Variants in ZMYM2 observed in about 807,000 individuals in gnomAD.
ZMYM2 encodes zinc finger MYM-type containing 2.
A neutral mutation model predicts 162.8 loss-of-function variants in ZMYM2; 56 were observed. That is an observed-to-expected ratio of 0.34 (90% confidence interval 0.28 to 0.43). ZMYM2 has a LOEUF of 0.43. Among genes scored for constraint, ZMYM2 ranks in the 20% least tolerant of loss-of-function variants. The probability of loss-of-function intolerance (pLI) is 1.00; values close to 1 mark genes in which losing one functional copy is unlikely to be tolerated. For missense variants in ZMYM2, 1,275 were observed against 1,621.8 expected (o/e 0.79, Z 3.67); for synonymous variants, 510 against 541.6 (o/e 0.94, Z 0.81).
At chr13:20,075,870 C>A (rs535074447) in intron 21 of ZMYM2, among the ~76,000 whole-genome samples, 1 of 151,384 alleles carries the variant, frequency 6.6e-6, no homozygotes, top group African/African-American at 2.4e-5. Flanking sequence ...TTTTTCCCCC[C>A]CATCCCGTAG....
rs1300185857 is a variant in ZMYM2 at position 19,986,210 on chromosome 13, C to CA, written c.-10-6850dup. ...AGACTCTCTCAAAAAAACAAACAAACAAACAAAACAAACAAACAAAAAGAA... is the reference window on the plus strand; with the variant it reads ...AGACTCTCTCAAAAAAACAAACAAACAAAACAAAACAAACAAACAAAAAGAA... On this transcript the variant is annotated intron_variant, in intron 2 of 24. Coordinates refer to ENST00000610343, the MANE Select transcript of ZMYM2 (RefSeq NM_197968.4). Among the ~76,000 whole-genome samples, 6 of 151,344 alleles carry CA rather than the reference C, an allele frequency of 4.0e-5. No homozygotes were observed. In the East Asian group the frequency reaches 1.2e-3, roughly 30 times the overall value.
chr13:19,994,857 G>C (rs1393272656), intron 3 of ZMYM2, among the ~76,000 whole-genome samples: 1 of 151,928 alleles, frequency 6.6e-6, no homozygotes, highest in East Asian at 1.9e-4. Flanking sequence ...TTTTGGGACA[G>C]GGTCTCTCTC....
At chr13:19,924,379 A>G in the ZMYM2 span, among the ~76,000 whole-genome samples, 2 of 152,054 alleles carry the variant, frequency 1.3e-5, no homozygotes, top group Non-Finnish European at 2.9e-5. Flanking sequence ...CTGTGGGGCA[A>G]CATAGTGAGA....
intron 2 of ZMYM2, among the ~76,000 whole-genome samples, chr13:19,971,011 C>A (rs114473906): frequency 1.1e-3 from 163 of 151,946 alleles, no homozygotes; most frequent in African/African-American, 3.7e-3. Flanking sequence ...AACTCTTCCA[C>A]AGCCTGAAAG....
At chr13:19,903,123 T>A in the ZMYM2 span, among the ~76,000 whole-genome samples, 1 of 152,092 alleles carries the variant, frequency 6.6e-6, no homozygotes, top group Non-Finnish European at 1.5e-5. Context: ...GTCATTGCAC[T>A]CTAGCCTGGG....
At chr13:20,006,787 CTG>C (rs1253900538) in intron 6 of ZMYM2, among the ~76,000 whole-genome samples, 5 of 152,146 alleles carry the variant, frequency 3.3e-5, no homozygotes, top group African/African-American at 4.8e-5. Flanking sequence ...CAGGGACCAT[CTG>C]TATTTATTCA....
the ZMYM2 span, among the ~76,000 whole-genome samples, chr13:19,942,362 G>A: frequency 8.6e-5 from 13 of 151,904 alleles, no homozygotes; most frequent in African/African-American, 3.1e-4. Context: ...ATACAAATGT[G>A]AATGAGAAAA....
intron 21 of ZMYM2, among the ~76,000 whole-genome samples, chr13:20,077,473 T>G (rs1387801525): frequency 6.6e-6 from 1 of 150,638 alleles, no homozygotes; most frequent in Non-Finnish European, 1.5e-5. Flanking sequence ...ATTTAAATAA[T>G]GTTATGCTCG....
chr13:19,884,211 A>G, the ZMYM2 span, among the ~76,000 whole-genome samples: 6 of 152,106 alleles, frequency 3.9e-5, no homozygotes, highest in Non-Finnish European at 5.9e-5. Flanking sequence ...TCTCAAAAAA[A>G]TTTAAAAATT....
At chr13:19,997,349 A>G (rs1950090735) in intron 3 of ZMYM2, among the ~76,000 whole-genome samples, 1 of 152,210 alleles carries the variant, frequency 6.6e-6, no homozygotes, top group African/African-American at 2.4e-5. Context: ...CTACAAGTGA[A>G]GTTACTGGGC....
intron 19 of ZMYM2, among the ~76,000 whole-genome samples, chr13:20,065,383 C>T (rs113678472): frequency 1.3e-5 from 2 of 152,012 alleles, no homozygotes; most frequent in Admixed American, 6.6e-5. Flanking sequence ...TCTTAATGGC[C>T]TTATGTTAGG....
the ZMYM2 span, among the ~76,000 whole-genome samples, chr13:19,898,089 GT>G: frequency 2.3e-3 from 345 of 152,228 alleles, 1 homozygote; most frequent in African/African-American, 7.7e-3. Flanking sequence ...TAGGCAACAT[GT>G]TAGTTCACAA....
intron 10 of ZMYM2, 134 bp downstream of exon 10, chr13:20,031,569 ATTAT>A (rs1419815297): frequency 4.9e-6 from 3 of 613,790 alleles, no homozygotes; most frequent in East Asian, 3.1e-5. Context: ...TTATGATTGG[ATTAT>A]TTATTCTCAT....
intron 2 of ZMYM2, among the ~76,000 whole-genome samples, chr13:19,985,070 G>C (rs1359427840): frequency 6.6e-6 from 1 of 152,146 alleles, no homozygotes; most frequent in Non-Finnish European, 1.5e-5. Flanking sequence ...TCATTATGTT[G>C]ATCAGGTACT....
At chr13:19,914,049 T>C in the ZMYM2 span, among the ~76,000 whole-genome samples, 3 of 152,298 alleles carry the variant, frequency 2.0e-5, no homozygotes, top group African/African-American at 7.2e-5. Context: ...TTCATTTTGT[T>C]AGAAGGAGAA....
chr13:20,037,213 A>ATTTTTTTTTTTT (rs754909177), intron 12 of ZMYM2, among the ~76,000 whole-genome samples: 1 of 90,382 alleles, frequency 1.1e-5, no homozygotes, highest in Non-Finnish European at 2.1e-5. Context: ...ACTAAGTAGA[A>ATTTTTTTTTTTT]TTTTTTTTTT....
At chr13:19,880,288 C>T in the ZMYM2 span, among the ~76,000 whole-genome samples, 3 of 152,150 alleles carry the variant, frequency 2.0e-5, no homozygotes, top group East Asian at 5.8e-4. Flanking sequence ...TTAAGTCTTT[C>T]AGTTCATGAA....
chr13:19,884,575 A>G, the ZMYM2 span, among the ~76,000 whole-genome samples: 2,594 of 152,204 alleles, frequency 0.017, 62 homozygotes, highest in African/African-American at 0.057. Context: ...ACCTGTATCA[A>G]AAAGAAAAAA....
rs1388998739 is a variant in ZMYM2, at chr13:20,005,164, C to G, written c.1224C>G (p.Leu408=). Residue 408 remains leucine, a synonymous_variant, in exon 5 of 25, where the codon CTC becomes CTG. Coordinates refer to ENST00000610343, the MANE Select transcript of ZMYM2 (RefSeq NM_197968.4). ...TCTGTAGTACATCTTGTTTATCTCTCTATGAAGACAAACAGAATCCTACTA... is the reference window on the plus strand; with the variant it reads ...TCTGTAGTACATCTTGTTTATCTCTGTATGAAGACAAACAGAATCCTACTA... ...QEFCSTSCLS[L]YEDKQNPTKG... is the part of the protein sequence containing the mutation. 6.3e-7 allele frequency: 1 copy of G among 1,595,860 alleles called. No individual in the cohort carries two copies.
Sources: gnomAD v4.1 joint callset for allele counts (sites outside exome capture counted in the v4.1 genomes callset) on GRCh38, gnomAD v4.1.1 for gene constraint, MANE v1.5 for transcripts, NCBI Gene and HGNC (gene_info 2026-07-23, HGNC 2026-07-21) for gene names.